The following RYR2 variants were observed in gnomAD, a reference collection of about 807,000 sequenced individuals.
The protein encoded by RYR2 is cardiac muscle ryanodine receptor-calcium release channel.
A neutral mutation model predicts 601.1 loss-of-function variants in RYR2; 227 were observed. The ratio of observed to expected loss-of-function variants is 0.38; its 90% CI spans 0.34 to 0.42. The LOEUF (loss-of-function observed/expected upper bound fraction) is 0.42, where lower values mean the gene tolerates loss of function less well. RYR2 is among the 10% of genes least tolerant of loss of function. RYR2 has a pLI of 1.00. For synonymous variants in RYR2, 2,223 were observed against 2,175.1 expected, an observed-to-expected ratio of 1.02 and a Z score of -0.61; for missense variants, 4,646 against 6,156.5, an observed-to-expected ratio of 0.75 and a Z score of 8.21.
At chr1:237,666,699 C>A in intron 57 of RYR2, 110 bp downstream of exon 57, 1 of 821,852 alleles carries the variant, frequency 1.2e-6, no homozygotes, top group South Asian at 1.6e-5. Flanking sequence ...ATGTGGCGAT[C>A]TATAATGGAT....
chr1:237,461,379 C>T (rs1659461633), intron 16 of RYR2, among the ~76,000 whole-genome samples: 1 of 152,154 alleles, frequency 6.6e-6, no homozygotes, highest in South Asian at 2.1e-4. Context: ...TTCTTATGAA[C>T]TTTCATAGAC....
At chr1:237,243,020 T>G (rs1686374362) in intron 1 of RYR2, among the ~76,000 whole-genome samples, 1 of 152,170 alleles carries the variant, frequency 6.6e-6, no homozygotes, top group Admixed American at 6.5e-5. Flanking sequence ...AGTGTTTCCT[T>G]CAGTGTTGGC....
chr1:237,403,840 A>G (rs1185427780), intron 10 of RYR2, among the ~76,000 whole-genome samples: 2 of 152,236 alleles, frequency 1.3e-5, no homozygotes, highest in African/African-American at 2.4e-5. Flanking sequence ...GTAACTTTGG[A>G]GGTATAGAAA....
chr1:237,746,113 C>T (rs956651821), intron 80 of RYR2, among the ~76,000 whole-genome samples: 1 of 152,100 alleles, frequency 6.6e-6, no homozygotes, highest in Non-Finnish European at 1.5e-5. Context: ...AACAAAACCA[C>T]TGAAAAATTT....
At chr1:237,087,614 G>A (rs903160251) in intron 1 of RYR2, among the ~76,000 whole-genome samples, 4 of 151,978 alleles carry the variant, frequency 2.6e-5, no homozygotes, top group Non-Finnish European at 5.9e-5. Flanking sequence ...GCAGAAAATG[G>A]CATTCGTATA....
chr1:237,818,952 G>A (rs1662134907), intron 100 of RYR2, 84 bp from the exon 101 acceptor site: 6 of 1,211,726 alleles, frequency 5.0e-6, no homozygotes, highest in South Asian at 3.1e-5. Context: ...GTGAGGATTA[G>A]GAACTACAGA....
At chr1:237,695,476 CT>C (rs1687338306) in intron 63 of RYR2, among the ~76,000 whole-genome samples, 1 of 152,078 alleles carries the variant, frequency 6.6e-6, no homozygotes, top group Non-Finnish European at 1.5e-5. Context: ...AAGTATCAAT[CT>C]TTTGGTTTTT....
At chr1:237,588,996 C>G (rs1215485270) in intron 29 of RYR2, among the ~76,000 whole-genome samples, 1 of 152,098 alleles carries the variant, frequency 6.6e-6, no homozygotes, top group East Asian at 1.9e-4. Flanking sequence ...TATAGTTCCC[C>G]TTTTTGTTCA....
intron 34 of RYR2, among the ~76,000 whole-genome samples, chr1:237,597,031 T>C (rs1675966176): frequency 6.6e-6 from 1 of 152,208 alleles, no homozygotes; most frequent in Non-Finnish European, 1.5e-5. Context: ...AGCAAAAGGA[T>C]GGTAATTACT....
chr1:237,773,413 A>G (rs1022847617), intron 86 of RYR2, 107 bp from the exon 87 acceptor site: 1 of 683,858 alleles, frequency 1.5e-6, no homozygotes, highest in East Asian at 2.6e-5. Flanking sequence ...GTTTGCTACC[A>G]TATCTATTAT....
chr1:237,183,828 G>A lies in RYR2; in HGVS notation c.49-86669G>A, dbSNP rs149479668. On this transcript the variant is annotated intron_variant, in intron 1 of 104. Transcript: ENST00000366574. Reference sequence around the variant, plus strand: ...CAAGGAGACAGAGGCCAGTGAGAAGGGAGGACATTTATCTGTCAATGAAGG... The same window carrying A: ...CAAGGAGACAGAGGCCAGTGAGAAGAGAGGACATTTATCTGTCAATGAAGG... Among the ~76,000 whole-genome samples, 5 of 152,248 alleles carry A rather than the reference G, an allele frequency of 3.3e-5. No individual in the cohort carries two copies. In the East Asian group the frequency reaches 9.7e-4, roughly 29 times the overall value.
intron 6 of RYR2, among the ~76,000 whole-genome samples, chr1:237,372,262 G>T (rs1350414922): frequency 6.6e-6 from 1 of 152,098 alleles, no homozygotes; most frequent in African/African-American, 2.4e-5. Context: ...ACATGAATAG[G>T]TCAGATAAGA....
intron 1 of RYR2, among the ~76,000 whole-genome samples, chr1:237,243,459 G>A (rs547907606): frequency 6.4e-4 from 97 of 152,300 alleles, no homozygotes; most frequent in African/African-American, 2.2e-3. Flanking sequence ...CAGATGAAGA[G>A]CTGTGTAGGG....
intron 1 of RYR2, among the ~76,000 whole-genome samples, chr1:237,213,915 CTTTTTTTTTTTTTTTT>C (rs71180008): frequency 1.5e-5 from 1 of 65,496 alleles, no homozygotes; most frequent in Non-Finnish European, 2.9e-5. Flanking sequence ...TTTTCTTTTT[CTTTTTTTTTTTTTTTT>C]TTTTTTTTAG....
At chr1:237,067,258 T>G (rs908589914) in intron 1 of RYR2, among the ~76,000 whole-genome samples, 1 of 152,180 alleles carries the variant, frequency 6.6e-6, no homozygotes, top group Admixed American at 6.5e-5. Flanking sequence ...CTCTTATGTT[T>G]TCTTCTAAAT....
chr1:237,691,739 A>G (rs1229068503), intron 63 of RYR2, among the ~76,000 whole-genome samples: 1 of 152,208 alleles, frequency 6.6e-6, no homozygotes, highest in East Asian at 1.9e-4. Context: ...TGGAATGAAA[A>G]AGAAAGAAAA....
intron 90 of RYR2, 79 bp from the exon 91 acceptor site, chr1:237,785,890 A>C: frequency 1.0e-6 from 1 of 981,592 alleles, no homozygotes; most frequent in South Asian, 1.4e-5. Flanking sequence ...ATGGTTTGAC[A>C]CATGGTCACA....
intron 87 of RYR2, among the ~76,000 whole-genome samples, chr1:237,778,194 A>C (rs554026350): frequency 2.0e-5 from 3 of 152,300 alleles, no homozygotes; most frequent in African/African-American, 4.8e-5. Context: ...TCAATTAAGA[A>C]AACGTTGAAG....
chr1:237,554,270 G>A (rs1670675646), intron 27 of RYR2, among the ~76,000 whole-genome samples: 1 of 151,758 alleles, frequency 6.6e-6, no homozygotes, highest in Non-Finnish European at 1.5e-5. Flanking sequence ...TTTTTCTCCT[G>A]TATTCTGTGG....
Sources: allele counts gnomAD v4.1 joint callset (sites outside exome capture counted in the v4.1 genomes callset), GRCh38; gene constraint gnomAD v4.1.1; transcripts MANE v1.5; gene names NCBI Gene and HGNC (gene_info 2026-07-23, HGNC 2026-07-21).